The following RAB6B variants were observed in gnomAD, a reference collection of about 807,000 sequenced individuals.
The protein encoded by RAB6B is RAB6B, member RAS oncogene family, also known as ras-related protein Rab-6B.
A neutral mutation model predicts 31.2 loss-of-function variants in RAB6B; 7 were observed. The ratio of observed to expected loss-of-function variants is 0.22; its 90% CI spans 0.13 to 0.42. RAB6B has a LOEUF of 0.42. RAB6B is among the 10% of genes least tolerant of loss of function. The pLI, the probability that RAB6B is intolerant of heterozygous loss-of-function variation, is 1.00. For missense variants in RAB6B, 149 were observed against 280.6 expected, an observed-to-expected ratio of 0.53 and a Z score of 3.35; for synonymous variants, 105 against 104.9, an observed-to-expected ratio of 1.00 and a Z score of -0.01.
intron 2 of RAB6B, among the ~76,000 whole-genome samples, chr3:133,857,960 C>G (rs1936105735): frequency 6.6e-6 from 1 of 152,182 alleles, no homozygotes; most frequent in South Asian, 2.1e-4. Flanking sequence ...CCCTCCTTGC[C>G]CTTCCACACA....
At chr3:133,851,259 A>T (rs1935980188) in intron 2 of RAB6B, among the ~76,000 whole-genome samples, 1 of 152,212 alleles carries the variant, frequency 6.6e-6, no homozygotes, top group Admixed American at 6.5e-5. Flanking sequence ...GCATGGGTCA[A>T]TGCAGGACAT....
chr3:133,828,602 C>A lies in RAB6B; in HGVS notation c.*186G>T. On this transcript the variant is annotated 3_prime_UTR_variant, in exon 8 of 8. Transcript: ENST00000285208. The stretch of plus-strand genomic sequence containing the variant: ...AAAAAATAGTTGTTTAAGTAACAGC[C>A]GTTAAGAGTGATGTGATCCCTGATG... 1 of 688,314 alleles carries A rather than the reference C, an allele frequency of 1.5e-6. No individual in the cohort carries two copies. Among genetic ancestry groups the A allele is most frequent in the Non-Finnish European group, 2.6e-6 (1 of 388,944 alleles). The allele number at this position is 688,314 out of a possible 1,614,324, so 42.6% of individuals were successfully genotyped here.
intron 1 of RAB6B, among the ~76,000 whole-genome samples, chr3:133,868,986 G>A (rs1318506367): frequency 1.3e-5 from 2 of 152,192 alleles, no homozygotes; most frequent in Non-Finnish European, 2.9e-5. Flanking sequence ...TGCTGTGCTG[G>A]TTTATGTAAA....
intron 2 of RAB6B, among the ~76,000 whole-genome samples, chr3:133,858,150 T>TC (rs998537879): frequency 3.9e-5 from 6 of 152,106 alleles, no homozygotes; most frequent in Non-Finnish European, 8.8e-5. Context: ...CCTTCCACAG[T>TC]CCCAGTCACT....
At chr3:133,850,827 AT>A (rs1935973966) in intron 2 of RAB6B, among the ~76,000 whole-genome samples, 1 of 152,152 alleles carries the variant, frequency 6.6e-6, no homozygotes, top group African/African-American at 2.4e-5. Context: ...CATTAAAAAA[AT>A]AAAGAAACAA....
In RAB6B at chr3:133,895,805, G is replaced by C. The variant is rs1017197647; in HGVS notation, c.-339C>G. The C allele has an allele frequency of 3.3e-6, 1 of 303,098 alleles. No individual in the cohort carries two copies. Among genetic ancestry groups the C allele is most frequent in the South Asian group, 9.6e-5 (1 of 10,448 alleles). The allele number at this position is 303,098 out of a possible 1,614,324, so 18.8% of individuals were successfully genotyped here. ...GGAGCGGGGCGCAGGGACGGCGCGC[G>C]GGGCGGAGGAGCGCTCTCCAGAGCC... is the stretch of plus-strand genomic sequence containing the variant. On this transcript the variant is annotated 5_prime_UTR_variant, in exon 1 of 8. Transcript: ENST00000285208.
chr3:133,846,136 C>G (rs2107993881), intron 2 of RAB6B, among the ~76,000 whole-genome samples: 1 of 152,248 alleles, frequency 6.6e-6, no homozygotes, highest in African/African-American at 2.4e-5. Flanking sequence ...AGGACAATAT[C>G]AAGTGAGCTG....
rs532694379 is a variant in RAB6B at position 133,838,283 on chromosome 3, A to T, written c.402-24T>A. 8.7e-6 allele frequency: 14 copies of T among 1,602,260 alleles called. No individual in the cohort carries two copies. The African/African-American group carries it at 1.5e-4, about 17-fold the overall frequency. On this transcript the variant is annotated intron_variant, in intron 5 of 7. Transcript: ENST00000285208. ...GCCTAGAGATGAGGGGAAGGGGGGA[A>T]ATCAGCTCAGCAGAGAAGCAGACCC...
intron 2 of RAB6B, among the ~76,000 whole-genome samples, chr3:133,844,689 G>C (rs1935882590): frequency 1.3e-5 from 2 of 152,164 alleles, no homozygotes; most frequent in Admixed American, 1.3e-4. Context: ...TGTAATCCCA[G>C]CACTTTGAAA....
intron 1 of RAB6B, among the ~76,000 whole-genome samples, chr3:133,868,136 G>T (rs76013497): frequency 0.011 from 1,630 of 152,260 alleles, 24 homozygotes; most frequent in Non-Finnish European, 0.014. Flanking sequence ...AGGTGGGTAA[G>T]GGGTTGTGCT....
At chr3:133,836,385 T>C (rs1222754141) in intron 6 of RAB6B, among the ~76,000 whole-genome samples, 1 of 115,502 alleles carries the variant, frequency 8.7e-6, no homozygotes, top group Non-Finnish European at 2.0e-5. Flanking sequence ...CTAGGGATTT[T>C]GAAGGGTGCT....
intron 1 of RAB6B, among the ~76,000 whole-genome samples, chr3:133,876,048 T>C (rs1936392650): frequency 6.6e-6 from 1 of 152,192 alleles, no homozygotes; most frequent in Admixed American, 6.5e-5. Context: ...TCAATAACAA[T>C]GAAAAGCCTC....
chr3:133,892,699 G>A (rs954692543), intron 1 of RAB6B, among the ~76,000 whole-genome samples: 13 of 152,228 alleles, frequency 8.5e-5, no homozygotes, highest in Admixed American at 5.9e-4. Flanking sequence ...GAAAGACTCC[G>A]CTGAGCTCAG....
At chr3:133,891,732 C>A (rs1936640197) in intron 1 of RAB6B, among the ~76,000 whole-genome samples, 1 of 152,204 alleles carries the variant, frequency 6.6e-6, no homozygotes, top group South Asian at 2.1e-4. Context: ...AACAAAAAGG[C>A]AGCTGCCTGC....
intron 2 of RAB6B, among the ~76,000 whole-genome samples, chr3:133,856,596 G>A (rs1349948697): frequency 6.6e-6 from 1 of 152,198 alleles, no homozygotes; most frequent in Non-Finnish European, 1.5e-5. Context: ...GGAGTAGGAG[G>A]TTGCCAATGG....
intron 1 of RAB6B, among the ~76,000 whole-genome samples, chr3:133,872,473 G>A (rs897683698): frequency 3.1e-4 from 47 of 152,196 alleles, no homozygotes; most frequent in African/African-American, 1.1e-3. Flanking sequence ...AGGCCCTGTG[G>A]TGACAAGTGA....
intron 5 of RAB6B, among the ~76,000 whole-genome samples, chr3:133,839,294 C>G (rs971807353): frequency 6.6e-6 from 1 of 152,214 alleles, no homozygotes; most frequent in Admixed American, 6.5e-5. Flanking sequence ...CCCGCCCCTG[C>G]CTGGTGGTGG....
At chr3:133,841,534 G>T in intron 3 of RAB6B, 76 bp downstream of exon 3, 1 of 1,562,398 alleles carries the variant, frequency 6.4e-7, no homozygotes, top group Non-Finnish European at 8.8e-7. Flanking sequence ...TCTCAGTGGT[G>T]CCCAGCTAAG....
rs953307087 is a variant in RAB6B at position 133,827,092 on chromosome 3, T to A, written c.*1696A>T. 6.6e-6 allele frequency: 1 copy of A among 152,632 alleles called. No individual in the cohort carries two copies. The highest frequency in any genetic ancestry group is 2.4e-5 in the African/African-American group (1 of 41,472). 9.5% of individuals were successfully genotyped at this position (152,632 alleles called of 1,614,324 possible). On this transcript the variant is annotated 3_prime_UTR_variant, in exon 8 of 8. Coordinates refer to ENST00000285208, the MANE Select transcript of RAB6B (RefSeq NM_016577.4). ...TCCTTGCTAGAGATGAGCTCTGGCA[T>A]ACAGCCTCCTAGGCAGAGGGTGTGT... is the stretch of plus-strand genomic sequence containing the variant.
Sources: gnomAD v4.1 joint callset for allele counts (sites outside exome capture counted in the v4.1 genomes callset) on GRCh38, gnomAD v4.1.1 for gene constraint, MANE v1.5 for transcripts, NCBI Gene and HGNC (gene_info 2026-07-23, HGNC 2026-07-21) for gene names.